BPTF: variants seen among roughly 807,000 people sequenced by gnomAD.
BPTF encodes nucleosome-remodeling factor subunit BPTF.
Under a neutral mutation model 292.5 loss-of-function variants are expected in BPTF, and 18 were observed. That is an observed-to-expected ratio of 0.06 (90% confidence interval 0.04 to 0.09). The LOEUF is 0.09. Among genes scored for constraint, BPTF ranks in the 10% least tolerant of loss-of-function variants. BPTF has a pLI of 1.00. For missense variants in BPTF, 2,726 were observed against 3,498.7 expected, an observed-to-expected ratio of 0.78 and a Z score of 5.57; for synonymous variants, 1,225 against 1,251.9, an observed-to-expected ratio of 0.98 and a Z score of 0.45.
intron 1 of BPTF, among the ~76,000 whole-genome samples, chr17:67,846,759 GGTACAGTC>G (rs1322790663): frequency 6.6e-6 from 1 of 152,126 alleles, no homozygotes; most frequent in Non-Finnish European, 1.5e-5. Flanking sequence ...GGAGTGCGGT[GGTACAGTC>G]TGGGCTCACT....
chr17:67,971,353 A>T (rs1555690761), intron 26 of BPTF, among the ~76,000 whole-genome samples: 1 of 151,934 alleles, frequency 6.6e-6, no homozygotes, highest in African/African-American at 2.4e-5. Flanking sequence ...TGCTGGGATT[A>T]TAGGCGTGAG....
chr17:67,833,492 A>T (rs1234714742), intron 1 of BPTF, among the ~76,000 whole-genome samples: 5 of 151,804 alleles, frequency 3.3e-5, no homozygotes, highest in African/African-American at 1.2e-4. Context: ...ACATGTTTTT[A>T]TCTGTACGTA....
chr17:67,973,383 A>C (rs1183905793), intron 26 of BPTF, among the ~76,000 whole-genome samples: 1 of 151,906 alleles, frequency 6.6e-6, no homozygotes. Context: ...AGAAAAAAAA[A>C]TAAAATATAT....
At chr17:67,841,180 G>C (rs1324978199) in intron 1 of BPTF, among the ~76,000 whole-genome samples, 1 of 152,044 alleles carries the variant, frequency 6.6e-6, no homozygotes, top group African/African-American at 2.4e-5. Context: ...GGCCAAGGCA[G>C]GCGGATCACC....
Position 67,912,295 on chromosome 17 carries a change from A to G in BPTF, c.4411A>G (p.Ile1471Val). The change falls in exon 11 of 28, where the codon ATC (isoleucine) becomes GTC (valine). Residue 1471 changes from isoleucine to valine, a missense_variant. Ile to Val is a conservative substitution (Grantham distance 29, BLOSUM62 3). This residue lies in a region of BPTF where 713 missense variants were observed against 714.9 expected (regional missense o/e 1.00). Coordinates refer to ENST00000306378, the MANE Select transcript of BPTF (RefSeq NM_182641.4). ...AIRPFINGDV[I>V]MEDFNERNSS... Reference sequence around the variant, plus strand: ...AAGGCCATTCATTAATGGTGATGTCATCATGGAAGATTTTAATGAAAGAAA... The same window carrying G: ...AAGGCCATTCATTAATGGTGATGTCGTCATGGAAGATTTTAATGAAAGAAA... The G allele has an allele frequency of 6.2e-7, 1 of 1,613,900 alleles. No individual in the cohort carries two copies. The highest frequency in any genetic ancestry group is 8.5e-7 in the Non-Finnish European group (1 of 1,179,856).
Position 67,944,354 on chromosome 17 carries a change from G to A in BPTF, c.6682G>A (p.Val2228Ile). 6.2e-7 allele frequency: 1 copy of A among 1,613,328 alleles called. No homozygotes were observed. Residue 2228 changes from valine (V) to isoleucine (I), a missense_variant, in exon 20 of 28, where the codon GTT (valine) becomes ATT (isoleucine). Val to Ile is a conservative substitution (Grantham distance 29). This residue lies in a region of BPTF where 570 missense variants were observed against 633.5 expected (regional missense o/e 0.90). Coordinates refer to ENST00000306378, the MANE Select transcript of BPTF (RefSeq NM_182641.4). ...ATTASTTTTT[V>I]STTAAGTGEQ... ...CACAGCCAGCACCACCACCACCACT[G>A]TTTCCACGACAGCAGCAGGTAGAGC... is the stretch of plus-strand genomic sequence containing the variant.
intron 11 of BPTF, among the ~76,000 whole-genome samples, chr17:67,914,950 T>C (rs1162008927): frequency 3.3e-5 from 5 of 152,200 alleles, no homozygotes; most frequent in Admixed American, 6.5e-5. Context: ...AGCATAATCC[T>C]TTCTGTCTAA....
chr17:67,939,574 A>G (rs999101556), intron 18 of BPTF, among the ~76,000 whole-genome samples: 13 of 152,202 alleles, frequency 8.5e-5, no homozygotes, highest in Admixed American at 3.3e-4. Flanking sequence ...TTATTGAACA[A>G]TTACTATGAA....
At chr17:67,913,239 A>G (rs1025654088) in intron 11 of BPTF, 52 bp downstream of exon 11, 1 of 1,504,140 alleles carries the variant, frequency 6.6e-7, no homozygotes, top group Non-Finnish European at 8.9e-7. Flanking sequence ...AAAAAGAATT[A>G]TCTCACAAGA....
intron 18 of BPTF, among the ~76,000 whole-genome samples, chr17:67,935,777 C>T (rs1424937073): frequency 6.6e-6 from 1 of 152,108 alleles, no homozygotes; most frequent in Non-Finnish European, 1.5e-5. Context: ...ATTGCTTGAA[C>T]CCTAGAGGCA....
Position 67,911,530 on chromosome 17 carries a change from G to A in BPTF, c.3646G>A (p.Asp1216Asn), listed in dbSNP as rs760275783. ...AACAAAAGGAAATGATTTTTTCATC[G>A]ATGACTCTAAACTAGCCAGTGCAGA... Reference protein sequence around the residue: ...SKTKGNDFFIDDSKLASADDI... With the variant: ...SKTKGNDFFINDSKLASADDI... Residue 1216 changes from aspartate (D) to asparagine (N), a missense_variant, in exon 11 of 28, where the codon GAT (aspartate) becomes AAT (asparagine). Coordinates refer to ENST00000306378, the MANE Select transcript of BPTF (RefSeq NM_182641.4). 3.1e-6 allele frequency: 5 copies of A among 1,613,122 alleles called. No individual in the cohort carries two copies. Among genetic ancestry groups the A allele is most frequent in the Non-Finnish European group, 3.4e-6 (4 of 1,179,778 alleles).
intron 13 of BPTF, 65 bp from the exon 14 acceptor site, chr17:67,922,775 G>T (rs2063544981): frequency 6.6e-7 from 1 of 1,515,100 alleles, no homozygotes; most frequent in Admixed American, 2.3e-5. Context: ...CATGATAGAA[G>T]ATGCCAGAAG....
intron 2 of BPTF, among the ~76,000 whole-genome samples, chr17:67,862,051 C>T (rs1470611843): frequency 6.6e-6 from 1 of 152,352 alleles, no homozygotes; most frequent in East Asian, 1.9e-4. Flanking sequence ...CCTTGCTTCA[C>T]TGCAACCTCC....
At chr17:67,971,167 C>G (rs1703747831) in intron 26 of BPTF, among the ~76,000 whole-genome samples, 1 of 152,212 alleles carries the variant, frequency 6.6e-6, no homozygotes, top group South Asian at 2.1e-4. Context: ...CAACCTCAGC[C>G]TCCCGGGTTC....
intron 17 of BPTF, among the ~76,000 whole-genome samples, chr17:67,930,931 A>G (rs371257417): frequency 1.1e-4 from 17 of 151,910 alleles, no homozygotes; most frequent in African/African-American, 3.9e-4. Flanking sequence ...CTGCAGTCTA[A>G]GTGACAGAGT....
intron 2 of BPTF, among the ~76,000 whole-genome samples, chr17:67,862,357 G>A (rs1048107208): frequency 6.6e-6 from 1 of 152,196 alleles, no homozygotes; most frequent in African/African-American, 2.4e-5. Flanking sequence ...TACCCATGAA[G>A]TGCTGGTACT....
At chr17:67,954,859 A>C (rs550822970) in intron 23 of BPTF, among the ~76,000 whole-genome samples, 1 of 152,318 alleles carries the variant, frequency 6.6e-6, no homozygotes, top group South Asian at 2.1e-4. Context: ...GTCTCTCTCT[A>C]TAAATAGAGA....
intron 23 of BPTF, among the ~76,000 whole-genome samples, chr17:67,952,299 C>G (rs1267738301): frequency 8.1e-6 from 1 of 123,370 alleles, no homozygotes; most frequent in Non-Finnish European, 1.6e-5. Context: ...GAGTCTTGCT[C>G]TGTTGTTCAG....
At chr17:67,841,801 A>G (rs1202291741) in intron 1 of BPTF, among the ~76,000 whole-genome samples, 1 of 152,154 alleles carries the variant, frequency 6.6e-6, no homozygotes. Context: ...TACATTTAAT[A>G]TGATTGATAA....
Sources: gnomAD v4.1 joint callset for allele counts (sites outside exome capture counted in the v4.1 genomes callset) on GRCh38, gnomAD v4.1.1 for gene constraint, gnomAD v4.1.1 regional missense constraint, MANE v1.5 for transcripts, NCBI Gene and HGNC (gene_info 2026-07-23, HGNC 2026-07-21) for gene names.